KIF5C: variants seen among roughly 807,000 people sequenced by gnomAD.
KIF5C encodes the protein kinesin heavy chain isoform 5C.
In KIF5C, 18 loss-of-function variants were observed where a neutral mutation model predicts 125.2. The observed-to-expected ratio is 0.14, with a 90% confidence interval of 0.10 to 0.21. KIF5C has a LOEUF of 0.21. KIF5C is among the 10% of genes least tolerant of loss of function. The pLI is 1.00. For missense variants in KIF5C, 780 were observed against 1,183.8 expected (o/e 0.66, Z 5.01); for synonymous variants, 405 against 434.0 (o/e 0.93, Z 0.83).
intron 8 of KIF5C, chr2:148,947,325 C>T: frequency 3.1e-6 from 1 of 321,192 alleles, no homozygotes; most frequent in Non-Finnish European, 5.7e-6. Context: ...GGCAGCTGCA[C>T]ACATGTGGGA....
At chr2:148,913,465 C>T (rs1365494038) in intron 1 of KIF5C, among the ~76,000 whole-genome samples, 1 of 152,128 alleles carries the variant, frequency 6.6e-6, no homozygotes, top group African/African-American at 2.4e-5. Flanking sequence ...ATTATGTAAG[C>T]TGTTTCTGAA....
intron 1 of KIF5C, among the ~76,000 whole-genome samples, chr2:148,920,744 AC>A (rs1681751707): frequency 6.6e-6 from 1 of 152,198 alleles, no homozygotes; most frequent in African/African-American, 2.4e-5. Flanking sequence ...ACAGCTGTGT[AC>A]TTACTTTGTG....
chr2:149,000,689 T>A (rs781419997), intron 20 of KIF5C, 33 bp from the exon 21 acceptor site: 2 of 1,611,782 alleles, frequency 1.2e-6, no homozygotes, highest in East Asian at 4.5e-5. Context: ...CTGAGTCCCC[T>A]GTGGTGGTCT....
intron 14 of KIF5C, among the ~76,000 whole-genome samples, chr2:148,982,909 T>C (rs1263742321): frequency 6.6e-6 from 1 of 152,228 alleles, no homozygotes; most frequent in East Asian, 1.9e-4. Flanking sequence ...TAGATAACTG[T>C]TTTACTGATG....
At chr2:148,997,914 C>T (rs1021260271) in intron 18 of KIF5C, 5 of 167,648 alleles carry the variant, frequency 3.0e-5, no homozygotes, top group Admixed American at 1.7e-4. Context: ...TAAAATCATG[C>T]GTCGTGGGAG....
intron 1 of KIF5C, among the ~76,000 whole-genome samples, chr2:148,910,945 C>T (rs531611427): frequency 6.6e-6 from 1 of 152,256 alleles, no homozygotes; most frequent in Non-Finnish European, 1.5e-5. Flanking sequence ...TAGCTCTGAG[C>T]TTTTTATCCT....
intron 22 of KIF5C, among the ~76,000 whole-genome samples, chr2:149,006,248 AAGGGAAAGAGGTCAAATGT>A (rs1286468725): frequency 6.6e-6 from 1 of 152,146 alleles, no homozygotes; most frequent in African/African-American, 2.4e-5. Flanking sequence ...TGAAGGAGCC[AAGGGAAAGAGGTCAAATGT>A]CTTACAAAGA....
chr2:148,986,437 G>C (rs7575464), intron 15 of KIF5C, among the ~76,000 whole-genome samples: 1,848 of 152,210 alleles, frequency 0.012, 38 homozygotes, highest in African/African-American at 0.042. Context: ...TTGGATGAGT[G>C]ACTGTACTTC....
At chr2:148,928,379 A>T (rs1315751923) in intron 2 of KIF5C, among the ~76,000 whole-genome samples, 1 of 152,196 alleles carries the variant, frequency 6.6e-6, no homozygotes, top group African/African-American at 2.4e-5. Context: ...AGGATCAAGG[A>T]TATTAATGAT....
intron 23 of KIF5C, among the ~76,000 whole-genome samples, chr2:149,009,232 C>T (rs555562317): frequency 5.0e-4 from 76 of 152,030 alleles, no homozygotes; most frequent in Non-Finnish European, 7.9e-4. Flanking sequence ...CCTCGTGATC[C>T]GCCCACCTTG....
rs1558956213 is a variant in KIF5C, at chr2:149,025,811, A to G, written c.*2741A>G. The G allele has an allele frequency of 6.6e-6, 1 of 152,652 alleles. No homozygotes were observed. The highest frequency in any genetic ancestry group is 1.5e-5 in the Non-Finnish European group (1 of 68,042). The allele number at this position is 152,652 out of a possible 1,614,324, so 9.5% of individuals were successfully genotyped here. Reference sequence around the variant, plus strand: ...TATAATGCCAAATGTGTTTTTGTCAATTACTAGAGAATTCTGTGCAAACAT... The same window carrying G: ...TATAATGCCAAATGTGTTTTTGTCAGTTACTAGAGAATTCTGTGCAAACAT... On this transcript the variant is annotated 3_prime_UTR_variant, in exon 26 of 26. Transcript: ENST00000435030.
chr2:148,942,738 A>G lies in KIF5C; in HGVS notation c.567A>G (p.Ala189=), dbSNP rs750791005. 2 of 1,610,796 alleles carry G rather than the reference A, an allele frequency of 1.2e-6. No individual in the cohort carries two copies. Among genetic ancestry groups the G allele is most frequent in the South Asian group, 2.2e-5 (2 of 89,736 alleles). ...EVMDVIDEGK[A]NRHVAVTNMN... ...TGGATGTAATAGATGAAGGCAAAGC[A>G]AACCGACACGTGGCTGTGACAAGTA... is the stretch of plus-strand genomic sequence containing the variant. The change falls in exon 7 of 26, where the codon GCA becomes GCG. Residue 189 remains alanine (A), a synonymous_variant. Transcript: ENST00000435030.
chr2:148,932,812 T>C (rs1024980613), intron 3 of KIF5C, among the ~76,000 whole-genome samples: 3 of 152,182 alleles, frequency 2.0e-5, no homozygotes, highest in African/African-American at 7.2e-5. Context: ...GCTCATGTGC[T>C]GACGGGCTGA....
At chr2:148,906,464 G>T (rs1226117654) in intron 1 of KIF5C, among the ~76,000 whole-genome samples, 1 of 152,146 alleles carries the variant, frequency 6.6e-6, no homozygotes, top group African/African-American at 2.4e-5. Context: ...GGACACAGTA[G>T]CTCATGCCTG....
In KIF5C at chr2:148,893,214, CCT is replaced by C. The variant is rs141598248; in HGVS notation, c.126+17472_126+17473del. On this transcript the variant is annotated intron_variant, in intron 1 of 25. Coordinates refer to ENST00000435030, the MANE Select transcript of KIF5C (RefSeq NM_004522.3). ...TTGCAGTAGTCTTGGAATACAATTCCCTGTTTCCTTTCTACTCTTTGGTCTCT... is the reference window on the plus strand; with the variant it reads ...TTGCAGTAGTCTTGGAATACAATTCCGTTTCCTTTCTACTCTTTGGTCTCT... Among the ~76,000 whole-genome samples the C allele has an allele frequency of 5.7e-3, 875 of 152,248 alleles. 13 individuals are homozygous for C. In the Middle Eastern group the frequency reaches 0.058, roughly 10 times the overall value.
Position 148,887,645 on chromosome 2 carries a change from C to G in KIF5C, c.126+11902C>G, listed in dbSNP as rs75758209. Among the ~76,000 whole-genome samples, 1,130 of 151,928 alleles carry G rather than the reference C, an allele frequency of 7.4e-3. 12 individuals are homozygous for G. The highest frequency in any genetic ancestry group is 0.026 in the African/African-American group (1,061 of 41,428). Reference sequence around the variant, plus strand: ...GGACAATTTGATTCTTACTTTGAAGCTGGGGTAGGAATCTGCTTAGAAAAT... The same window carrying G: ...GGACAATTTGATTCTTACTTTGAAGGTGGGGTAGGAATCTGCTTAGAAAAT... On this transcript the variant is annotated intron_variant, in intron 1 of 25. Transcript: ENST00000435030.
At chr2:148,952,142 G>A (rs1682680884) in intron 10 of KIF5C, among the ~76,000 whole-genome samples, 1 of 152,078 alleles carries the variant, frequency 6.6e-6, no homozygotes, top group South Asian at 2.1e-4. Context: ...CCACAAACCA[G>A]CATCTGCTTA....
intron 19 of KIF5C, among the ~76,000 whole-genome samples, chr2:148,999,655 C>T (rs530250236): frequency 2.6e-5 from 4 of 152,234 alleles, no homozygotes; most frequent in South Asian, 4.1e-4. Flanking sequence ...CTCACAGATT[C>T]GACTGGAAGG....
At chr2:149,001,866 A>T (rs73011335) in intron 21 of KIF5C, among the ~76,000 whole-genome samples, 2,419 of 152,314 alleles carry the variant, frequency 0.016, 61 homozygotes, top group African/African-American at 0.055. Context: ...ATCTTCAAGG[A>T]CCTGGTGACC....
Sources: allele counts gnomAD v4.1 joint callset (sites outside exome capture counted in the v4.1 genomes callset), GRCh38; gene constraint gnomAD v4.1.1; transcripts MANE v1.5; gene names NCBI Gene and HGNC (gene_info 2026-07-23, HGNC 2026-07-21).